B3GALT1: variants seen among roughly 807,000 people sequenced by gnomAD.
B3GALT1 encodes beta-1,3-galactosyltransferase 1, also known as UDP-Gal:betaGlcNAc beta 1,3-galactosyltransferase, polypeptide 1.
B3GALT1 carries 10 observed loss-of-function variants against 23.2 expected under a neutral mutation model. The observed-to-expected ratio is 0.43, with a 90% CI of 0.27 to 0.73. B3GALT1 has a LOEUF of 0.73. Ranked by LOEUF, B3GALT1 falls within the 30% of genes least tolerant of loss-of-function variation. B3GALT1 has a pLI of 0.21. For missense variants in B3GALT1, 299 were observed against 405.4 expected (o/e 0.74, Z 2.25); for synonymous variants, 156 against 141.5 (o/e 1.10, Z -0.73).
chr2:167,583,777 G>T (rs1305525940), intron 2 of B3GALT1, among the ~76,000 whole-genome samples: 3 of 146,834 alleles, frequency 2.0e-5, no homozygotes, highest in Admixed American at 2.0e-4. Flanking sequence ...TAATCTGACA[G>T]AAATTTTGGA....
At chr2:167,298,980 A>G (rs1057482266) in intron 1 of B3GALT1, among the ~76,000 whole-genome samples, 3 of 152,176 alleles carry the variant, frequency 2.0e-5, no homozygotes, top group Non-Finnish European at 2.9e-5. Context: ...AAAGAAAAGA[A>G]AAAAACAAAC....
chr2:167,746,845 C>T (rs1189293592), intron 3 of B3GALT1, among the ~76,000 whole-genome samples: 1 of 152,106 alleles, frequency 6.6e-6, no homozygotes, highest in African/African-American at 2.4e-5. Flanking sequence ...TCTGTTTTTT[C>T]ATTTTATAGA....
intron 4 of B3GALT1, among the ~76,000 whole-genome samples, chr2:167,863,943 G>A (rs1051191842): frequency 2.6e-5 from 4 of 151,152 alleles, no homozygotes; most frequent in African/African-American, 9.7e-5. Flanking sequence ...AAGACAACAG[G>A]AAAAAAGGTC....
At chr2:167,395,163 G>T (rs1052500584) in intron 1 of B3GALT1, among the ~76,000 whole-genome samples, 2 of 152,248 alleles carry the variant, frequency 1.3e-5, no homozygotes, top group South Asian at 4.1e-4. Flanking sequence ...ACGTGAGATG[G>T]ATATAAATCT....
intron 2 of B3GALT1, among the ~76,000 whole-genome samples, chr2:167,543,182 A>T (rs17623447): frequency 0.012 from 1,830 of 152,282 alleles, 16 homozygotes; most frequent in Middle Eastern, 0.02. Flanking sequence ...CCTGTAAAAC[A>T]GAGATGACTT....
At chr2:167,775,752 A>G (rs538337487) in intron 3 of B3GALT1, among the ~76,000 whole-genome samples, 16 of 151,048 alleles carry the variant, frequency 1.1e-4, no homozygotes, top group African/African-American at 3.9e-4. Flanking sequence ...AGTATGGCAT[A>G]TATTACCAAT....
chr2:167,839,669 A>G (rs887098673), intron 4 of B3GALT1, among the ~76,000 whole-genome samples: 1 of 152,268 alleles, frequency 6.6e-6, no homozygotes, highest in Non-Finnish European at 1.5e-5. Context: ...ACAGAATTGG[A>G]AAAAACTACT....
At chr2:167,518,843 C>T (rs6731834) in intron 2 of B3GALT1, among the ~76,000 whole-genome samples, 59,283 of 152,022 alleles carry the variant, frequency 0.39, 12,838 homozygotes, top group East Asian at 0.87. Flanking sequence ...AAGCCACTTA[C>T]GGTCAACGTT....
At chr2:167,675,306 G>A (rs6717753) in intron 3 of B3GALT1, among the ~76,000 whole-genome samples, 63,525 of 152,054 alleles carry the variant, frequency 0.42, 14,524 homozygotes, top group Admixed American at 0.51. Flanking sequence ...TCTCAACGCT[G>A]TCATACTCCA....
At chr2:167,585,955 T>G (rs1684577661) in intron 2 of B3GALT1, among the ~76,000 whole-genome samples, 1 of 152,192 alleles carries the variant, frequency 6.6e-6, no homozygotes, top group African/African-American at 2.4e-5. Flanking sequence ...CAAACAAAAC[T>G]GATCTATGAT....
chr2:167,541,678 G>C (rs1051872004), intron 2 of B3GALT1, among the ~76,000 whole-genome samples: 4 of 150,524 alleles, frequency 2.7e-5, no homozygotes, highest in African/African-American at 1.0e-4. Context: ...TTTACTGGGG[G>C]CCTATTAGAT....
intron 4 of B3GALT1, among the ~76,000 whole-genome samples, chr2:167,855,971 C>T (rs935925453): frequency 6.6e-5 from 10 of 152,096 alleles, no homozygotes; most frequent in African/African-American, 2.2e-4. Context: ...AAAAAAATAG[C>T]CTCAGAATTT....
intron 2 of B3GALT1, among the ~76,000 whole-genome samples, chr2:167,562,095 A>T (rs2105390005): frequency 6.6e-6 from 1 of 152,308 alleles, no homozygotes; most frequent in African/African-American, 2.4e-5. Flanking sequence ...GCACGTCAAA[A>T]AGCTTATCCA....
In B3GALT1 at chr2:167,805,689, C is replaced by A. The variant is rs545928547; in HGVS notation, c.-351-12983C>A. ...TCTGTTCTGTTCCTTTGATCTATATCTCTGTTTTGGTACCAGTACCATGCT... is the reference window on the plus strand; with the variant it reads ...TCTGTTCTGTTCCTTTGATCTATATATCTGTTTTGGTACCAGTACCATGCT... On this transcript the variant is annotated intron_variant, in intron 3 of 4. Coordinates refer to ENST00000392690, the MANE Select transcript of B3GALT1 (RefSeq NM_020981.4). Among the ~76,000 whole-genome samples, 313 of 152,224 alleles carry A rather than the reference C, an allele frequency of 2.1e-3. 1 individual carries two copies. The highest frequency in any genetic ancestry group is 7.0e-3 in the African/African-American group (289 of 41,540).
chr2:167,389,643 C>T (rs1237706390), intron 1 of B3GALT1, among the ~76,000 whole-genome samples: 1 of 152,044 alleles, frequency 6.6e-6, no homozygotes, highest in Non-Finnish European at 1.5e-5. Flanking sequence ...AATTGCATGA[C>T]AGTTATAGGA....
chr2:167,364,163 C>CA (rs34314925), intron 1 of B3GALT1, among the ~76,000 whole-genome samples: 631 of 62,980 alleles, frequency 0.01, 6 homozygotes, highest in African/African-American at 0.024. Flanking sequence ...GACTCCATCT[C>CA]AAAAAAAAAA....
intron 4 of B3GALT1, among the ~76,000 whole-genome samples, chr2:167,864,156 A>C (rs1206953901): frequency 6.6e-6 from 1 of 152,146 alleles, no homozygotes; most frequent in African/African-American, 2.4e-5. Flanking sequence ...CCCTTTTTGC[A>C]CTTTTTGATT....
chr2:167,770,855 A>G (rs939435429), intron 3 of B3GALT1, among the ~76,000 whole-genome samples: 22 of 152,198 alleles, frequency 1.4e-4, no homozygotes, highest in African/African-American at 5.3e-4. Flanking sequence ...TTAAATGCCC[A>G]ATTAGATTTT....
At chr2:167,484,552 A>G (rs1453637206) in intron 1 of B3GALT1, among the ~76,000 whole-genome samples, 4 of 152,168 alleles carry the variant, frequency 2.6e-5, no homozygotes, top group Non-Finnish European at 5.9e-5. Context: ...GGTGGATTTG[A>G]AGATTTTCTG....
Sources: allele counts gnomAD v4.1 joint callset (sites outside exome capture counted in the v4.1 genomes callset), GRCh38; gene constraint gnomAD v4.1.1; transcripts MANE v1.5; gene names NCBI Gene and HGNC (gene_info 2026-07-23, HGNC 2026-07-21).